PRKN: variants seen among roughly 807,000 people sequenced by gnomAD.
PRKN encodes the protein E3 ubiquitin-protein ligase parkin.
A neutral mutation model predicts 59.5 loss-of-function variants in PRKN; 56 were observed. The observed-to-expected ratio is 0.94, with a 90% CI of 0.76 to 1.18. The LOEUF (loss-of-function observed/expected upper bound fraction) is 1.18, where lower values mean the gene tolerates loss of function less well. Among genes scored for constraint, PRKN ranks in the 50% most tolerant of loss-of-function variants. PRKN has a pLI of 0.00. For missense variants in PRKN, 657 were observed against 596.4 expected (o/e 1.10, Z -1.06); for synonymous variants, 250 against 222.1 (o/e 1.13, Z -1.12).
intron 1 of PRKN, among the ~76,000 whole-genome samples, chr6:162,487,596 G>A (rs1021963425): frequency 6.6e-6 from 1 of 152,058 alleles, no homozygotes; most frequent in Non-Finnish European, 1.5e-5. Flanking sequence ...AGGACTTCCT[G>A]GCAAAAAGCT....
chr6:162,695,389 T>C (rs1777930799), intron 1 of PRKN, among the ~76,000 whole-genome samples: 1 of 152,134 alleles, frequency 6.6e-6, no homozygotes, highest in Non-Finnish European at 1.5e-5. Context: ...ATTTCAGGAA[T>C]GAAGGCTCAT....
At position 161,742,897 on chromosome 6, in the gene PRKN, C is replaced by T. The variant is rs780194466; in HGVS notation, c.871+42875G>A. ...CCAGGCCCACCCTTTCTCTGAAGGCCGCAGAGGTTGAGAGAGAAGAGTCCA... is the reference window on the plus strand; with the variant it reads ...CCAGGCCCACCCTTTCTCTGAAGGCTGCAGAGGTTGAGAGAGAAGAGTCCA... On this transcript the variant is annotated intron_variant, in intron 7 of 11. Coordinates refer to ENST00000366898, the MANE Select transcript of PRKN (RefSeq NM_004562.3). 1.2e-4 allele frequency among the ~76,000 whole-genome samples: 19 copies of T among 152,232 alleles called. No homozygotes were observed. In the Middle Eastern group the frequency reaches 0.01, roughly 82 times the overall value.
chr6:161,766,765 A>C (rs1789440325), intron 7 of PRKN, among the ~76,000 whole-genome samples: 1 of 152,192 alleles, frequency 6.6e-6, no homozygotes, highest in Non-Finnish European at 1.5e-5. Context: ...TCATGGATTC[A>C]GTAAATAGTA....
Position 162,265,466 on chromosome 6 carries a change from G to A in PRKN, c.172-2701C>T, listed in dbSNP as rs540502920. Among the ~76,000 whole-genome samples, 298 of 152,196 alleles carry A rather than the reference G, an allele frequency of 2.0e-3. 2 individuals carry two copies. The highest frequency in any genetic ancestry group is 3.4e-3 in the Admixed American group (52 of 15,278). On this transcript the variant is annotated intron_variant, in intron 2 of 11. Coordinates refer to ENST00000366898, the MANE Select transcript of PRKN (RefSeq NM_004562.3). ...AGCACTTTGGGAGACTGGGGTGGGC[G>A]GATCACTTGAGGTCAGGAGTTCAAG...
intron 1 of PRKN, among the ~76,000 whole-genome samples, chr6:162,519,783 A>G (rs1055798645): frequency 2.6e-5 from 4 of 152,168 alleles, no homozygotes; most frequent in Admixed American, 2.0e-4. Flanking sequence ...TTCCTTGGGT[A>G]AGAAGAAGAG....
At chr6:162,299,191 C>T (rs568966327) in intron 2 of PRKN, among the ~76,000 whole-genome samples, 32 of 152,302 alleles carry the variant, frequency 2.1e-4, no homozygotes, top group African/African-American at 6.0e-4. Flanking sequence ...TCAGCCCCTT[C>T]GGGCAGACAG....
chr6:162,394,392 G>C (rs1203705616), intron 2 of PRKN, among the ~76,000 whole-genome samples: 2 of 152,118 alleles, frequency 1.3e-5, no homozygotes, highest in African/African-American at 4.8e-5. Flanking sequence ...CCTTATCATG[G>C]CGTTCCTACC....
intron 1 of PRKN, among the ~76,000 whole-genome samples, chr6:162,713,182 A>C (rs1379320037): frequency 2.0e-5 from 3 of 152,230 alleles, no homozygotes; most frequent in Non-Finnish European, 4.4e-5. Context: ...GAGGTGGAAG[A>C]ATGGCAAGAA....
chr6:161,905,734 G>A lies in PRKN; in HGVS notation c.734+67568C>T, dbSNP rs536370844. On this transcript the variant is annotated intron_variant, in intron 6 of 11. Coordinates refer to ENST00000366898, the MANE Select transcript of PRKN (RefSeq NM_004562.3). ...TCAGCACTTGGAGAGGCCGAGGTGG[G>A]CGGATCACTTGAGGTTAGGCATTCA... is the stretch of plus-strand genomic sequence containing the variant. Among the ~76,000 whole-genome samples the A allele has an allele frequency of 8.6e-5, 13 of 151,962 alleles. No individual in the cohort carries two copies. In the South Asian group the frequency reaches 2.7e-3, roughly 32 times the overall value.
intron 5 of PRKN, among the ~76,000 whole-genome samples, chr6:162,009,951 C>T (rs185248600): frequency 2.4e-3 from 363 of 151,404 alleles, no homozygotes; most frequent in Non-Finnish European, 4.2e-3. Context: ...AAAATAAAGT[C>T]TTCTGGTTCA....
At chr6:161,826,970 G>A (rs1427312075) in intron 6 of PRKN, among the ~76,000 whole-genome samples, 2 of 152,130 alleles carry the variant, frequency 1.3e-5, no homozygotes, top group African/African-American at 2.4e-5. Context: ...ACAGCACCAC[G>A]TCCAAGTGTA....
intron 2 of PRKN, among the ~76,000 whole-genome samples, chr6:162,400,177 A>T (rs1390079968): frequency 6.6e-6 from 1 of 152,082 alleles, no homozygotes; most frequent in Non-Finnish European, 1.5e-5. Flanking sequence ...ACTGCACTCC[A>T]GCCTGGGTGA....
At chr6:161,903,078 G>A (rs2128235472) in intron 6 of PRKN, among the ~76,000 whole-genome samples, 1 of 152,272 alleles carries the variant, frequency 6.6e-6, no homozygotes, top group South Asian at 2.1e-4. Context: ...CATCGCTATT[G>A]TCTTTAAAGG....
chr6:162,721,729 T>G (rs1778948081), intron 1 of PRKN, among the ~76,000 whole-genome samples: 1 of 152,202 alleles, frequency 6.6e-6, no homozygotes, highest in Non-Finnish European at 1.5e-5. Context: ...CCTTCTAGAC[T>G]ATGAACAAGG....
At chr6:162,334,403 T>G (rs1372487777) in intron 2 of PRKN, among the ~76,000 whole-genome samples, 1 of 152,196 alleles carries the variant, frequency 6.6e-6, no homozygotes, top group East Asian at 1.9e-4. Context: ...TCATTTCCAT[T>G]AAAATCCTAG....
At chr6:161,716,080 C>T in intron 7 of PRKN, 2 of 1,343,124 alleles carry the variant, frequency 1.5e-6, no homozygotes, top group Non-Finnish European at 2.0e-6. Flanking sequence ...CTTACCGACT[C>T]CTCTCCTGAA....
In PRKN at chr6:161,578,296, T is replaced by G. The variant is rs1312065093; in HGVS notation, c.872-8880A>C. Among the ~76,000 whole-genome samples the G allele has an allele frequency of 6.6e-6, 1 of 152,150 alleles. No individual in the cohort carries two copies. Among genetic ancestry groups the G allele is most frequent in the Non-Finnish European group, 1.5e-5 (1 of 68,018 alleles). On this transcript the variant is annotated intron_variant, in intron 7 of 11. Transcript: ENST00000366898. The surrounding 1 kb of genome is among the most constrained non-coding windows in gnomAD (Gnocchi z 4.2). The stretch of plus-strand genomic sequence containing the variant: ...AGAACTGAGACCACTGAGACCTAAT[T>G]ATTTGTTCCAGAAGAATTCTGCCCT...
rs143409817 is a variant in PRKN at position 162,289,412 on chromosome 6, T to G, written c.172-26647A>C. ...CCCAGGTGCTTCAAAATAGGTGTTT[T>G]TTTTTAGCCAGGCATAGTGGCTCAT... On this transcript the variant is annotated intron_variant, in intron 2 of 11. Transcript: ENST00000366898. Among the ~76,000 whole-genome samples, 193 of 152,140 alleles carry G rather than the reference T, an allele frequency of 1.3e-3. 1 individual carries two copies. The Middle Eastern group carries it at 0.014, about 11-fold the overall frequency.
At chr6:162,021,458 TATA>T (rs1292440455) in intron 5 of PRKN, among the ~76,000 whole-genome samples, 71 of 4,370 alleles carry the variant, frequency 0.016, no homozygotes, top group Admixed American at 0.039. Context: ...TATATATATA[TATA>T]TTTTTTTTTT....
Sources: gnomAD v4.1 joint callset for allele counts (sites outside exome capture counted in the v4.1 genomes callset) on GRCh38, gnomAD v4.1.1 for gene constraint, Gnocchi (gnomAD v3.1) non-coding constraint, MANE v1.5 for transcripts, NCBI Gene and HGNC (gene_info 2026-07-23, HGNC 2026-07-21) for gene names.